The following MAP4 variants were observed in gnomAD, a reference collection of about 807,000 sequenced individuals.
MAP4 encodes microtubule-associated protein 4.
MAP4 carries 76 observed loss-of-function variants against 170.2 expected under a neutral mutation model. The observed-to-expected ratio is 0.45, with a 90% CI of 0.37 to 0.54. MAP4 has a LOEUF of 0.54. Ranked by LOEUF, MAP4 falls within the 20% of genes least tolerant of loss-of-function variation. MAP4 has a pLI of 0.00. For missense variants in MAP4, 2,506 were observed against 2,748.0 expected (o/e 0.91, Z 1.97); for synonymous variants, 909 against 994.5 (o/e 0.91, Z 1.62).
At chr3:47,972,913 A>G (rs1578568271) in intron 3 of MAP4, among the ~76,000 whole-genome samples, 1 of 152,068 alleles carries the variant, frequency 6.6e-6, no homozygotes, top group African/African-American at 2.4e-5. Context: ...AAGAAAAAAA[A>G]ATTCATAAGT....
intron 8 of MAP4, among the ~76,000 whole-genome samples, chr3:47,913,015 C>A (rs753296531): frequency 4.6e-5 from 7 of 152,176 alleles, no homozygotes; most frequent in Non-Finnish European, 8.8e-5. Context: ...GAGAAAAATT[C>A]TCATGATTCC....
chr3:47,924,065 T>C (rs2100044474), intron 4 of MAP4, among the ~76,000 whole-genome samples: 1 of 152,186 alleles, frequency 6.6e-6, no homozygotes, highest in Non-Finnish European at 1.5e-5. Context: ...AGATGATTCT[T>C]ACAGAGTTCT....
chr3:47,899,306 A>C (rs2100028779), intron 10 of MAP4, among the ~76,000 whole-genome samples: 1 of 152,016 alleles, frequency 6.6e-6, no homozygotes, highest in Admixed American at 6.6e-5. Context: ...CACCCAGCTA[A>C]TTTTTGTATT....
chr3:47,925,026 G>C (rs1402696369), intron 4 of MAP4, among the ~76,000 whole-genome samples: 1 of 152,100 alleles, frequency 6.6e-6, no homozygotes, highest in Non-Finnish European at 1.5e-5. Context: ...TGGCCAGGAT[G>C]GTCTCCATCT....
In MAP4 at chr3:47,916,311, T is replaced by C. The variant is rs2100039026; in HGVS notation, c.1516A>G (p.Met506Val). The change falls in exon 7 of 21, where the codon ATG becomes GTG. Residue 506 changes from methionine (M) to valine (V), a missense_variant. Around this residue, in one of 3 missense-constraint regions of MAP4, gnomAD observed 2,008 missense variants for 2,206.0 expected, o/e 0.91. Transcript: ENST00000683076. ...TVKEVGLLKD[M>V]SPLSETEMAL... ...ATTTCTGTTTCTGATAGTGGAGACA[T>C]GTCCTTCAACAAGCCCACTTCTTTT... 4.3e-6 allele frequency: 7 copies of C among 1,614,132 alleles called. No homozygotes were observed. Among genetic ancestry groups the C allele is most frequent in the Non-Finnish European group, 5.1e-6 (6 of 1,180,052 alleles).
intron 1 of MAP4, among the ~76,000 whole-genome samples, chr3:48,005,179 G>A (rs2100101549): frequency 6.6e-6 from 1 of 152,128 alleles, no homozygotes; most frequent in South Asian, 2.1e-4. Context: ...GGCCAACATA[G>A]TGAAACCCTG....
At chr3:48,060,300 C>T (rs1050641075) in intron 1 of MAP4, among the ~76,000 whole-genome samples, 5 of 151,706 alleles carry the variant, frequency 3.3e-5, no homozygotes, top group African/African-American at 1.2e-4. Context: ...GAATAAAGTC[C>T]AAGAGAACCC....
intron 2 of MAP4, among the ~76,000 whole-genome samples, chr3:47,987,622 G>A (rs1049997615): frequency 6.6e-6 from 1 of 152,168 alleles, no homozygotes; most frequent in Non-Finnish European, 1.5e-5. Context: ...TGACTAGCAG[G>A]TAACTAAATG....
chr3:47,935,935 T>A, intron 3 of MAP4, among the ~76,000 whole-genome samples: 1 of 127,206 alleles, frequency 7.9e-6, no homozygotes, highest in Admixed American at 8.3e-5. Flanking sequence ...TGAGACTTAG[T>A]CTCCAAAAAA....
chr3:48,087,450 G>A (rs1010583535), intron 1 of MAP4, among the ~76,000 whole-genome samples: 3 of 152,034 alleles, frequency 2.0e-5, no homozygotes, highest in Non-Finnish European at 4.4e-5. Flanking sequence ...TGATGACTGG[G>A]CAGTGTTACC....
rs992819088 is a variant in MAP4 at position 47,853,632 on chromosome 3, C to A, written c.6697-280G>T. On this transcript the variant is annotated intron_variant, in intron 19 of 20. Coordinates refer to ENST00000683076, the MANE Select transcript of MAP4 (RefSeq NM_001385682.1). ...GGCTCTGATGAAGCCTCTCTGAGGGCAGAGGTGCCAGGCCTCAGGCTGGTA... is the reference window on the plus strand; with the variant it reads ...GGCTCTGATGAAGCCTCTCTGAGGGAAGAGGTGCCAGGCCTCAGGCTGGTA... Among the ~76,000 whole-genome samples the A allele has an allele frequency of 5.9e-5, 9 of 151,890 alleles. No homozygotes were observed. In the East Asian group the frequency reaches 1.7e-3, roughly 29 times the overall value.
At chr3:48,052,482 A>G (rs1215684727) in intron 1 of MAP4, among the ~76,000 whole-genome samples, 1 of 152,168 alleles carries the variant, frequency 6.6e-6, no homozygotes, top group Non-Finnish European at 1.5e-5. Flanking sequence ...TCAGCATCCC[A>G]AAGTGCTGGG....
intron 3 of MAP4, among the ~76,000 whole-genome samples, chr3:47,946,351 A>G (rs1171211535): frequency 6.6e-6 from 1 of 151,832 alleles, no homozygotes; most frequent in Non-Finnish European, 1.5e-5. Flanking sequence ...GGCCAAAACA[A>G]GAGTAAAATA....
chr3:47,871,902 A>G lies in MAP4; in HGVS notation c.5941+15T>C. 1 of 1,595,350 alleles carries G rather than the reference A, an allele frequency of 6.3e-7. No individual in the cohort carries two copies. The highest frequency in any genetic ancestry group is 8.6e-7 in the Non-Finnish European group (1 of 1,166,778). On this transcript the variant is annotated intron_variant, in intron 13 of 20. Transcript: ENST00000683076. Reference sequence around the variant, plus strand: ...CCCCTCCCTAGTTCCCATGGGAGAGAAAGGCAATACTCACCAGTGGGCTTC... The same window carrying G: ...CCCCTCCCTAGTTCCCATGGGAGAGGAAGGCAATACTCACCAGTGGGCTTC...
intron 1 of MAP4, among the ~76,000 whole-genome samples, chr3:48,053,427 CA>C (rs1420872633): frequency 6.6e-6 from 1 of 152,180 alleles, no homozygotes; most frequent in Non-Finnish European, 1.5e-5. Flanking sequence ...ATTATTATCT[CA>C]AATGTTCTTC....
intron 1 of MAP4, among the ~76,000 whole-genome samples, chr3:48,022,263 GAACA>G (rs1429203541): frequency 6.6e-6 from 1 of 151,940 alleles, no homozygotes; most frequent in Non-Finnish European, 1.5e-5. Flanking sequence ...TGAAGAAAAC[GAACA>G]GACAATGGAG....
At chr3:47,913,369 T>A (rs1216480842) in intron 8 of MAP4, among the ~76,000 whole-genome samples, 1 of 152,216 alleles carries the variant, frequency 6.6e-6, no homozygotes. Context: ...CTCTAAATCC[T>A]AGCCTTTGTT....
At chr3:47,881,446 CTATATATATATATATATATATATATATA>C (rs56923064) in intron 10 of MAP4, among the ~76,000 whole-genome samples, 572 of 49,474 alleles carry the variant, frequency 0.012, 48 homozygotes, top group African/African-American at 0.045. Flanking sequence ...GAAAAAACAA[CTATATATATATATATATATATATATATA>C]TATATATATA....
rs1177501859 is a variant in MAP4 at position 47,912,389 on chromosome 3, G to A, written c.2032C>T (p.Gln678Ter). 6.6e-7 allele frequency: 1 copy of A among 1,517,362 alleles called. No homozygotes were observed. The highest frequency in any genetic ancestry group is 8.8e-7 in the Non-Finnish European group (1 of 1,134,752). The allele number at this position is 1,517,362 out of a possible 1,614,324, so 94.0% of individuals were successfully genotyped here. Residue 678 changes from glutamine (Q) to a stop codon, truncating the protein, a stop_gained, in exon 9 of 21, where the codon CAA becomes TAA. Transcript: ENST00000683076. LOFTEE classifies it high-confidence loss of function. Reference protein sequence around the residue: ...NFMYCGTPPTQAKQVCRPSDR... With the variant: ...NFMYCGTPPT ...CTGGGTCTGCAAACTTGTTTGGCTT[G>A]TGTGGGAGGGGTACCGCAATACATG...
Sources: allele counts gnomAD v4.1 joint callset (sites outside exome capture counted in the v4.1 genomes callset), GRCh38; gene constraint gnomAD v4.1.1; regional missense constraint gnomAD v4.1.1; transcripts MANE v1.5; gene names NCBI Gene and HGNC (gene_info 2026-07-23, HGNC 2026-07-21).